The following SCLT1 variants were observed in gnomAD, a reference collection of about 807,000 sequenced individuals.
SCLT1 encodes sodium channel-associated protein 1.
In SCLT1, 78 loss-of-function variants were observed where a neutral mutation model predicts 112.8. The observed-to-expected ratio is 0.69, with a 90% CI of 0.58 to 0.83. The LOEUF (loss-of-function observed/expected upper bound fraction) is 0.83, where lower values mean the gene tolerates loss of function less well. SCLT1 is among the 40% of genes least tolerant of loss of function. The probability of loss-of-function intolerance (pLI) is 0.00; values close to 1 mark genes in which losing one functional copy is unlikely to be tolerated. For missense variants in SCLT1, 747 were observed against 770.4 expected, an observed-to-expected ratio of 0.97 and a Z score of 0.36; for synonymous variants, 257 against 254.7, an observed-to-expected ratio of 1.01 and a Z score of -0.09.
Position 128,950,713 on chromosome 4 carries a change from A to G in SCLT1, c.1218+2056T>C, listed in dbSNP as rs1230566145. Among the ~76,000 whole-genome samples, 3 of 152,178 alleles carry G rather than the reference A, an allele frequency of 2.0e-5. No homozygotes were observed. The East Asian group carries it at 5.8e-4, about 29-fold the overall frequency. ...ACAATAAAAGACAGTGTAAATCCTCATGTATTTAGAAACTAAAAAAAAGAC... is the reference window on the plus strand; with the variant it reads ...ACAATAAAAGACAGTGTAAATCCTCGTGTATTTAGAAACTAAAAAAAAGAC... On this transcript the variant is annotated intron_variant, in intron 14 of 20. Coordinates refer to ENST00000281142, the MANE Select transcript of SCLT1 (RefSeq NM_144643.4).
At chr4:129,029,228 G>A (rs923830119) in intron 5 of SCLT1, among the ~76,000 whole-genome samples, 6 of 152,156 alleles carry the variant, frequency 3.9e-5, no homozygotes, top group Admixed American at 2.6e-4. Context: ...ACACGCACAT[G>A]TATGTTTATT....
intron 1 of SCLT1, among the ~76,000 whole-genome samples, chr4:129,087,030 A>G (rs1188655514): frequency 1.3e-5 from 2 of 152,198 alleles, no homozygotes; most frequent in Non-Finnish European, 2.9e-5. Flanking sequence ...GGTAAGCCCT[A>G]TGATTGCCCC....
chr4:128,909,113 G>A (rs530115324), intron 18 of SCLT1, among the ~76,000 whole-genome samples: 13 of 152,104 alleles, frequency 8.5e-5, no homozygotes, highest in African/African-American at 2.7e-4. Context: ...TGTTCTCTTT[G>A]CTTAAAATGC....
intron 5 of SCLT1, among the ~76,000 whole-genome samples, chr4:129,023,914 G>A (rs567166274): frequency 2.2e-4 from 33 of 152,338 alleles, no homozygotes; most frequent in Non-Finnish European, 3.8e-4. Context: ...AGGGTCCTAC[G>A]CCCACGGAGT....
At chr4:129,056,791 T>G (rs911792635) in intron 2 of SCLT1, among the ~76,000 whole-genome samples, 2 of 152,214 alleles carry the variant, frequency 1.3e-5, no homozygotes, top group Non-Finnish European at 2.9e-5. Flanking sequence ...CAGGGACAAC[T>G]TCCTCCTTTC....
At chr4:129,013,031 T>C (rs1744677421) in intron 5 of SCLT1, among the ~76,000 whole-genome samples, 1 of 152,144 alleles carries the variant, frequency 6.6e-6, no homozygotes, top group East Asian at 1.9e-4. Flanking sequence ...TGTGAAGGTT[T>C]GTTACATAGG....
At chr4:129,091,182 G>A (rs540827287) in intron 1 of SCLT1, among the ~76,000 whole-genome samples, 15 of 152,148 alleles carry the variant, frequency 9.9e-5, no homozygotes, top group African/African-American at 3.6e-4. Flanking sequence ...TCCGGTTAAA[G>A]AAAAAAGGAG....
At chr4:129,015,377 G>A (rs976541029) in intron 5 of SCLT1, among the ~76,000 whole-genome samples, 1 of 152,070 alleles carries the variant, frequency 6.6e-6, no homozygotes, top group African/African-American at 2.4e-5. Flanking sequence ...GTGGCTCCCA[G>A]GGCACCTGAG....
At chr4:128,974,244 G>A (rs1403624386) in intron 9 of SCLT1, among the ~76,000 whole-genome samples, 2 of 152,046 alleles carry the variant, frequency 1.3e-5, no homozygotes, top group African/African-American at 2.4e-5. Context: ...AAAGCTCTGG[G>A]GATGCCTGAA....
At chr4:128,945,645 G>T (rs909681936) in intron 16 of SCLT1, among the ~76,000 whole-genome samples, 9 of 151,896 alleles carry the variant, frequency 5.9e-5, no homozygotes. Flanking sequence ...ATACAAGATG[G>T]ATCATTATAG....
intron 18 of SCLT1, among the ~76,000 whole-genome samples, chr4:128,913,131 C>T (rs1579357641): frequency 6.6e-6 from 1 of 152,294 alleles, no homozygotes; most frequent in East Asian, 1.9e-4. Flanking sequence ...GGGTAGTTAA[C>T]CATTTCATGT....
At chr4:128,976,864 G>A (rs1314138295) in intron 9 of SCLT1, among the ~76,000 whole-genome samples, 1 of 152,030 alleles carries the variant, frequency 6.6e-6, no homozygotes, top group African/African-American at 2.4e-5. Flanking sequence ...GCTTATTTAG[G>A]GAAGATGAGA....
intron 5 of SCLT1, among the ~76,000 whole-genome samples, chr4:129,028,786 A>T (rs1427620509): frequency 6.6e-6 from 1 of 152,160 alleles, no homozygotes; most frequent in East Asian, 1.9e-4. Flanking sequence ...CATCTGACAA[A>T]AGGCTAATAT....
rs1745769550 is a variant in SCLT1, at chr4:129,024,075, GC to G, written c.290+14965del. ...GTGGAGCCCACCACAGCTCAAGGAG[GC>G]CTGCCTGCCTCTGTAGGCTCCACCT... On this transcript the variant is annotated intron_variant, in intron 5 of 20. Coordinates refer to ENST00000281142, the MANE Select transcript of SCLT1 (RefSeq NM_144643.4). Among the ~76,000 whole-genome samples, 5 of 152,340 alleles carry G rather than the reference GC, an allele frequency of 3.3e-5. No homozygotes were observed. The South Asian group carries it at 8.3e-4, about 25-fold the overall frequency.
rs1378612587 is a variant in SCLT1, at chr4:129,028,430, G to T, written c.290+10611C>A. ...TGAGAAAAACAAGCAATGGGGAAAG[G>T]ATTCCCTATTTAATAAATGGTGCTG... On this transcript the variant is annotated intron_variant, in intron 5 of 20. Transcript: ENST00000281142. 5.9e-5 allele frequency among the ~76,000 whole-genome samples: 9 copies of T among 152,222 alleles called. No individual in the cohort carries two copies. In the East Asian group the frequency reaches 7.7e-4, roughly 13 times the overall value.
In SCLT1 at chr4:129,055,417, G is replaced by A. The variant is rs142680870; in HGVS notation, c.103-11366C>T. On this transcript the variant is annotated intron_variant, in intron 2 of 20. Transcript: ENST00000281142. ...TCTCTCAGGTGCTCTGTCCCAGGGG[G>A]ATGGGAGTTTTATCTATAAGCCCCT... Among the ~76,000 whole-genome samples, 248 of 152,316 alleles carry A rather than the reference G, an allele frequency of 1.6e-3. 2 individuals carry two copies. The highest frequency in any genetic ancestry group is 0.014 in the East Asian group (71 of 5,176).
At position 128,942,687 on chromosome 4, in the gene SCLT1, A is replaced by C. The variant is rs559361911; in HGVS notation, c.1632+309T>G. 4.6e-5 allele frequency among the ~76,000 whole-genome samples: 7 copies of C among 152,250 alleles called. No individual in the cohort carries two copies. In the East Asian group the frequency reaches 1.4e-3, roughly 29 times the overall value. ...GCTACTACAGAGAGAGAAGAGAGGA[A>C]GGCAGTCTGTAAAGTTATCTAATCC... On this transcript the variant is annotated intron_variant, in intron 17 of 20. Coordinates refer to ENST00000281142, the MANE Select transcript of SCLT1 (RefSeq NM_144643.4).
At chr4:129,025,270 A>C (rs1292191005) in intron 5 of SCLT1, among the ~76,000 whole-genome samples, 9 of 152,338 alleles carry the variant, frequency 5.9e-5, no homozygotes, top group Admixed American at 5.2e-4. Flanking sequence ...AGTGGAAATG[A>C]AGGAAAAAAT....
chr4:129,025,765 A>C (rs1337741309), intron 5 of SCLT1, among the ~76,000 whole-genome samples: 1 of 152,088 alleles, frequency 6.6e-6, no homozygotes, highest in Non-Finnish European at 1.5e-5. Flanking sequence ...AAATTGGATA[A>C]AGAGTCAAGA....
Sources: gnomAD v4.1 joint callset for allele counts (sites outside exome capture counted in the v4.1 genomes callset) on GRCh38, gnomAD v4.1.1 for gene constraint, MANE v1.5 for transcripts, NCBI Gene and HGNC (gene_info 2026-07-23, HGNC 2026-07-21) for gene names.